Variants in NHS observed in about 807,000 individuals in gnomAD.
NHS encodes the protein NHS actin remodeling regulator.
In NHS, 5 loss-of-function variants were observed where a neutral mutation model predicts 72.5. The observed-to-expected ratio is 0.07, with a 90% CI of 0.04 to 0.14. The LOEUF is 0.14. Among genes scored for constraint, NHS ranks in the 10% least tolerant of loss-of-function variants. The probability of loss-of-function intolerance (pLI) is 1.00; values close to 1 mark genes in which losing one functional copy is unlikely to be tolerated. For missense variants in NHS, 1,072 were observed against 1,355.7 expected, an observed-to-expected ratio of 0.79 and a Z score of 3.29; for synonymous variants, 464 against 547.7, an observed-to-expected ratio of 0.85 and a Z score of 2.13.
At chrX:17,395,776 T>C (rs1428135617) in intron 1 of NHS, among the ~76,000 whole-genome samples, 1 of 112,415 alleles carries the variant, frequency 8.9e-6, no homozygotes, top group East Asian at 2.7e-4. Context: ...CACAAAAAGC[T>C]GTATGCCAAA....
At chrX:17,468,387 C>T (rs748274201) in intron 1 of NHS, among the ~76,000 whole-genome samples, 1 of 109,914 alleles carries the variant, frequency 9.1e-6, no homozygotes, top group Non-Finnish European at 1.9e-5. Flanking sequence ...GTGGAAGTTG[C>T]TGTTTCCATT....
intron 1 of NHS, chrX:17,635,554 C>A: frequency 8.6e-7 from 1 of 1,167,313 alleles, no homozygotes; most frequent in Non-Finnish European, 1.1e-6. Context: ...AGGAGCAGAG[C>A]GGGAATCCAA....
intron 1 of NHS, among the ~76,000 whole-genome samples, chrX:17,446,976 T>A (rs753555987): frequency 1.4e-3 from 152 of 112,302 alleles, no homozygotes; most frequent in Non-Finnish European, 2.2e-3. Context: ...ATGAGTTGCT[T>A]CAGCTTTCAC....
chrX:17,527,645 G>C (rs1477361452), intron 1 of NHS, among the ~76,000 whole-genome samples: 1 of 112,350 alleles, frequency 8.9e-6, no homozygotes, highest in Non-Finnish European at 1.9e-5. Flanking sequence ...CACAATAGAG[G>C]GAGTGCTCCC....
At position 17,734,875 on chromosome X, in the gene NHS, T is replaced by C. The variant is rs2066512071; in HGVS notation, c.*2411T>C. The C allele has an allele frequency of 1.8e-5, 2 of 112,600 alleles. No individual in the cohort carries two copies. The highest frequency in any genetic ancestry group is 6.5e-5 in the African/African-American group (2 of 30,878). The allele number at this position is 112,600 out of a possible 1,213,427, so 9.3% of individuals were successfully genotyped here. On this transcript the variant is annotated 3_prime_UTR_variant, in exon 9 of 9. Coordinates refer to ENST00000676302, the MANE Select transcript of NHS (RefSeq NM_001291867.2). The stretch of plus-strand genomic sequence containing the variant: ...CGTTTGCAGTATGGCTTTTGTGTAG[T>C]TAGGGGTTTTTTAAGTGTGAAGAAA...
At chrX:17,530,832 A>G (rs2065194883) in intron 1 of NHS, among the ~76,000 whole-genome samples, 1 of 110,781 alleles carries the variant, frequency 9.0e-6, no homozygotes, top group Non-Finnish European at 1.9e-5. Context: ...AGGTTTGGGT[A>G]CCGTGGCACA....
intron 1 of NHS, among the ~76,000 whole-genome samples, chrX:17,682,669 A>G (rs980387329): frequency 9.0e-6 from 1 of 111,508 alleles, no homozygotes; most frequent in Non-Finnish European, 1.9e-5. Flanking sequence ...CCCCCTTCTT[A>G]AGGAAGAAGG....
intron 1 of NHS, among the ~76,000 whole-genome samples, chrX:17,572,513 T>TTG (rs1491029461): frequency 3.1e-5 from 3 of 96,084 alleles, no homozygotes; most frequent in Non-Finnish European, 6.1e-5. Flanking sequence ...TTTTTTTTTT[T>TTG]GCTTTCCATT....
At chrX:17,649,389 C>T (rs2065920292) in intron 1 of NHS, among the ~76,000 whole-genome samples, 1 of 111,087 alleles carries the variant, frequency 9.0e-6, no homozygotes, top group Admixed American at 9.6e-5. Context: ...AGAAAGGATG[C>T]ATTTACATTG....
Position 17,377,855 on chromosome X carries a change from C to T in NHS, c.565+1533C>T, listed in dbSNP as rs2064355031. Among the ~76,000 whole-genome samples the T allele has an allele frequency of 2.7e-5, 3 of 112,698 alleles. No homozygotes were observed. The Admixed American group carries it at 2.8e-4, about 11-fold the overall frequency. ...GAGTTCTGGAAAGAATTAGGACTGC[C>T]GTAGGCCAAGTCGTATTTTACTTTT... On this transcript the variant is annotated intron_variant, in intron 1 of 8. Coordinates refer to ENST00000676302, the MANE Select transcript of NHS (RefSeq NM_001291867.2).
chrX:17,478,955 G>A (rs1347859138), intron 1 of NHS, among the ~76,000 whole-genome samples: 1 of 111,069 alleles, frequency 9.0e-6, no homozygotes, highest in African/African-American at 3.3e-5. Flanking sequence ...TGCCGAAGGT[G>A]CGGGTTTGTT....
chrX:17,456,730 C>T lies in NHS; in HGVS notation c.565+80408C>T, dbSNP rs916774236. 8.0e-5 allele frequency among the ~76,000 whole-genome samples: 9 copies of T among 111,852 alleles called. No homozygotes were observed. In the Admixed American group the frequency reaches 8.5e-4, roughly 11 times the overall value. On this transcript the variant is annotated intron_variant, in intron 1 of 8. Coordinates refer to ENST00000676302, the MANE Select transcript of NHS (RefSeq NM_001291867.2). ...TCTGAGTCACTGGTTTCCAAAAGGG[C>T]GACAAGTAGGCTATGTGTGGCTGAA...
At chrX:17,477,748 G>A (rs2146907669) in intron 1 of NHS, among the ~76,000 whole-genome samples, 1 of 112,072 alleles carries the variant, frequency 8.9e-6, no homozygotes, top group African/African-American at 3.2e-5. Flanking sequence ...TACAATTTTT[G>A]CTTCATTTTG....
Position 17,649,523 on chromosome X carries a change from A to G in NHS, c.566-38219A>G, listed in dbSNP as rs1439336832. Among the ~76,000 whole-genome samples the G allele has an allele frequency of 3.6e-5, 4 of 111,395 alleles. 1 individual carries two copies. In the Admixed American group the frequency reaches 3.8e-4, roughly 11 times the overall value. On this transcript the variant is annotated intron_variant, in intron 1 of 8. Transcript: ENST00000676302. ...CCTCTGATGCATTCTATAGGGCTCC[A>G]TTTTGGCTAAATCATCATAATTCCC...
rs572334391 is a variant in NHS, at chrX:17,606,708, A to G, written c.566-81034A>G. On this transcript the variant is annotated intron_variant, in intron 1 of 8. Coordinates refer to ENST00000676302, the MANE Select transcript of NHS (RefSeq NM_001291867.2). ...GCCTTGCACTGCCAGAAGCCTCCTT[A>G]ACATGTAAGTTTCAGAAGACTGGAG... Among the ~76,000 whole-genome samples, 7 of 111,943 alleles carry G rather than the reference A, an allele frequency of 6.3e-5. No individual in the cohort carries two copies. In the South Asian group the frequency reaches 2.6e-3, roughly 42 times the overall value.
Position 17,434,182 on chromosome X carries a change from C to A in NHS, c.565+57860C>A, listed in dbSNP as rs530590990. Among the ~76,000 whole-genome samples, 4 of 111,690 alleles carry A rather than the reference C, an allele frequency of 3.6e-5. No homozygotes were observed. The South Asian group carries it at 1.5e-3, about 42-fold the overall frequency. Reference sequence around the variant, plus strand: ...CTTCCATCCACATTCCACTTGGCAGCCTTAGGCCACACCTAGTCACAGGGA... The same window carrying A: ...CTTCCATCCACATTCCACTTGGCAGACTTAGGCCACACCTAGTCACAGGGA... On this transcript the variant is annotated intron_variant, in intron 1 of 8. Coordinates refer to ENST00000676302, the MANE Select transcript of NHS (RefSeq NM_001291867.2).
chrX:17,508,799 G>A (rs1394930723), intron 1 of NHS, among the ~76,000 whole-genome samples: 1 of 112,402 alleles, frequency 8.9e-6, no homozygotes, highest in African/African-American at 3.2e-5. Context: ...ATCTGTTGAT[G>A]TACTTTTGGG....
chrX:17,596,376 A>G (rs767872633), intron 1 of NHS, among the ~76,000 whole-genome samples: 8 of 112,267 alleles, frequency 7.1e-5, no homozygotes, highest in Non-Finnish European at 1.1e-4. Context: ...CAATGGGACT[A>G]ATTCAAATAT....
At chrX:17,670,942 T>G (rs968176197) in intron 1 of NHS, among the ~76,000 whole-genome samples, 2 of 112,293 alleles carry the variant, frequency 1.8e-5, no homozygotes, top group Non-Finnish European at 1.9e-5. Flanking sequence ...CTGGCCTGGA[T>G]GTCTCTGAGT....
Sources: allele counts gnomAD v4.1 joint callset (sites outside exome capture counted in the v4.1 genomes callset), GRCh38; gene constraint gnomAD v4.1.1; transcripts MANE v1.5; gene names NCBI Gene and HGNC (gene_info 2026-07-23, HGNC 2026-07-21).